Variants in NTNG2 observed in about 807,000 individuals in gnomAD.
The protein encoded by NTNG2 is netrin-G2.
NTNG2 carries 15 observed loss-of-function variants against 47.6 expected under a neutral mutation model. The observed-to-expected ratio is 0.32, with a 90% CI of 0.21 to 0.49. The LOEUF (loss-of-function observed/expected upper bound fraction) is 0.49, where lower values mean the gene tolerates loss of function less well. Among genes scored for constraint, NTNG2 ranks in the 20% least tolerant of loss-of-function variants. The pLI, the probability that NTNG2 is intolerant of heterozygous loss-of-function variation, is 0.99. For synonymous variants in NTNG2, 307 were observed against 324.6 expected (o/e 0.95, Z 0.58); for missense variants, 578 against 764.6 (o/e 0.76, Z 2.88).
In NTNG2 at chr9:132,221,298, G is replaced by T. The variant is rs1337391566; in HGVS notation, c.858-5551G>T. Among the ~76,000 whole-genome samples, 1 of 152,182 alleles carries T rather than the reference G, an allele frequency of 6.6e-6. No homozygotes were observed. Among genetic ancestry groups the T allele is most frequent in the African/African-American group, 2.4e-5 (1 of 41,448 alleles). On this transcript the variant is annotated intron_variant, in intron 3 of 7. Coordinates refer to ENST00000393229, the MANE Select transcript of NTNG2 (RefSeq NM_032536.4). The surrounding 1 kb of genome is among the most constrained non-coding windows in gnomAD (Gnocchi z 4.2). The stretch of plus-strand genomic sequence containing the variant: ...AGAGAAAAGCAAGATCAGAACATCT[G>T]CTGGACAGAGACATGGAGAGAGAGA...
At chr9:132,241,361 G>C (rs1589575283) in intron 7 of NTNG2, 1 of 449,710 alleles carries the variant, frequency 2.2e-6, no homozygotes, top group East Asian at 4.4e-5. Context: ...GAGCTGGCAG[G>C]TGGGCGGGGA....
At chr9:132,184,535 G>A (rs778206291) in intron 2 of NTNG2, among the ~76,000 whole-genome samples, 3 of 152,252 alleles carry the variant, frequency 2.0e-5, no homozygotes, top group Non-Finnish European at 4.4e-5. Context: ...CCTGCCAAAG[G>A]CTGGAGGGAG....
At position 132,208,520 on chromosome 9, in the gene NTNG2, G is replaced by T. The variant is rs1004543985; in HGVS notation, c.857+9911G>T. 6.6e-6 allele frequency among the ~76,000 whole-genome samples: 1 copy of T among 152,174 alleles called. No homozygotes were observed. The highest frequency in any genetic ancestry group is 1.5e-5 in the Non-Finnish European group (1 of 68,012). Reference sequence around the variant, plus strand: ...TACCAAGACTGACAGCAGCCTGGCCGGGTTCTGGCAGGGACAGGGGCTGTG... The same window carrying T: ...TACCAAGACTGACAGCAGCCTGGCCTGGTTCTGGCAGGGACAGGGGCTGTG... On this transcript the variant is annotated intron_variant, in intron 3 of 7. Transcript: ENST00000393229. The surrounding 1 kb of genome is among the most constrained non-coding windows in gnomAD (Gnocchi z 4.0).
chr9:132,238,768 G>A (rs978141847), intron 5 of NTNG2, among the ~76,000 whole-genome samples: 4 of 152,202 alleles, frequency 2.6e-5, no homozygotes, highest in East Asian at 3.9e-4. Flanking sequence ...TAATCACCCC[G>A]GCATGTGGGC....
chr9:132,206,151 G>A (rs1346656796), intron 3 of NTNG2, among the ~76,000 whole-genome samples: 1 of 152,172 alleles, frequency 6.6e-6, no homozygotes, highest in Non-Finnish European at 1.5e-5. Context: ...AGATCACAGA[G>A]GGCCTGGAGG....
At chr9:132,172,886 C>T (rs528159887) in intron 2 of NTNG2, among the ~76,000 whole-genome samples, 10 of 152,184 alleles carry the variant, frequency 6.6e-5, no homozygotes, top group Admixed American at 5.2e-4. Context: ...CCTGCCACCA[C>T]GCCAGGCTAA....
rs548835799 is a variant in NTNG2, at chr9:132,236,420, A to G, written c.1055-2684A>G. On this transcript the variant is annotated intron_variant, in intron 5 of 7. Coordinates refer to ENST00000393229, the MANE Select transcript of NTNG2 (RefSeq NM_032536.4). This position sits in a 1 kb window ranked among gnomAD's most constrained non-coding sequence, Gnocchi z 4.3. Reference sequence around the variant, plus strand: ...GGCCTGCCCGACTCTCCAGAAGGGAAATTGTCCCTGGCCCCAGCTCACCAA... The same window carrying G: ...GGCCTGCCCGACTCTCCAGAAGGGAGATTGTCCCTGGCCCCAGCTCACCAA... Among the ~76,000 whole-genome samples the G allele has an allele frequency of 1.3e-5, 2 of 152,288 alleles. No homozygotes were observed. The highest frequency in any genetic ancestry group is 2.9e-5 in the Non-Finnish European group (2 of 68,012).
rs183929663 is a variant in NTNG2, at chr9:132,221,655, G to A, written c.858-5194G>A. Among the ~76,000 whole-genome samples, 50 of 152,274 alleles carry A rather than the reference G, an allele frequency of 3.3e-4. No individual in the cohort carries two copies. In the East Asian group the frequency reaches 8.7e-3, roughly 26 times the overall value. On this transcript the variant is annotated intron_variant, in intron 3 of 7. Transcript: ENST00000393229. This position sits in a 1 kb window ranked among gnomAD's most constrained non-coding sequence, Gnocchi z 4.2. ...GGCCGGGACATCTTCTCCTGTTCCCGAGGAAGACAGGACTGATAGGAGGGG... is the reference window on the plus strand; with the variant it reads ...GGCCGGGACATCTTCTCCTGTTCCCAAGGAAGACAGGACTGATAGGAGGGG...
chr9:132,226,846 C>T lies in NTNG2; in HGVS notation c.858-3C>T, dbSNP rs113770003. On this transcript the variant is annotated splice_polypyrimidine_tract_variant and splice_region_variant and intron_variant, in intron 3 of 7. Transcript: ENST00000393229. The surrounding 1 kb of genome is among the most constrained non-coding windows in gnomAD (Gnocchi z 4.8). Reference sequence around the variant, plus strand: ...CATCTCTGCCCTCTCGGTGTCTCCCCAGGTGCAAGTGCAACCTGCACGCCA... The same window carrying T: ...CATCTCTGCCCTCTCGGTGTCTCCCTAGGTGCAAGTGCAACCTGCACGCCA... 950 of 1,595,654 alleles carry T rather than the reference C, an allele frequency of 6.0e-4. 6 individuals are homozygous for T. The African/African-American group carries it at 0.011, about 19-fold the overall frequency.
Position 132,226,896 on chromosome 9 carries a change from G to A in NTNG2, c.905G>A (p.Ser302Asn), listed in dbSNP as rs759552257. The change falls in exon 4 of 8, where the codon AGC becomes AAC. Residue 302 changes from serine (S) to asparagine (N), a missense_variant. Transcript: ENST00000393229. The surrounding 1 kb of genome is among the most constrained non-coding windows in gnomAD (Gnocchi z 4.8). Reference sequence around the variant, plus strand: ...AACCTGTGCTCCATGCGCGAGGGCAGCCTGCAGTGCGAGTGCGAGCACAAC... The same window carrying A: ...AACCTGTGCTCCATGCGCGAGGGCAACCTGCAGTGCGAGTGCGAGCACAAC... ...HANLCSMREG[S>N]LQCECEHNTT... 6.2e-7 allele frequency: 1 copy of A among 1,612,410 alleles called. No homozygotes were observed.
At position 132,236,167 on chromosome 9, in the gene NTNG2, G is replaced by A. The variant is rs1165601187; in HGVS notation, c.1055-2937G>A. 6.6e-6 allele frequency among the ~76,000 whole-genome samples: 1 copy of A among 152,222 alleles called. No individual in the cohort carries two copies. Among genetic ancestry groups the A allele is most frequent in the Non-Finnish European group, 1.5e-5 (1 of 68,036 alleles). ...GCAGGAGCGGGGGCCATGAGACCTC[G>A]GAGGGTGGACTGTGGTGGGTGAAGG... On this transcript the variant is annotated intron_variant, in intron 5 of 7. Coordinates refer to ENST00000393229, the MANE Select transcript of NTNG2 (RefSeq NM_032536.4). This position sits in a 1 kb window ranked among gnomAD's most constrained non-coding sequence, Gnocchi z 4.3.
rs1841998881 is a variant in NTNG2 at position 132,241,726 on chromosome 9, G to T, written c.1358-150G>T. On this transcript the variant is annotated intron_variant, in intron 7 of 7. Transcript: ENST00000393229. ...CCCGGGCGCCGTCACCCTCCGAGGG[G>T]GGACGTTTCGCACCCAGCGCGCCTG... 21 of 573,710 alleles carry T rather than the reference G, an allele frequency of 3.7e-5. No individual in the cohort carries two copies. In the South Asian group the frequency reaches 4.5e-4, roughly 12 times the overall value. 35.5% of individuals were successfully genotyped at this position (573,710 alleles called of 1,614,324 possible).
intron 3 of NTNG2, among the ~76,000 whole-genome samples, chr9:132,211,521 G>C (rs1034115702): frequency 6.6e-6 from 1 of 152,060 alleles, no homozygotes; most frequent in African/African-American, 2.4e-5. Flanking sequence ...TCCTTCTGTA[G>C]CCTGGGCTCT....
chr9:132,176,507 G>A (rs58498935), intron 2 of NTNG2, among the ~76,000 whole-genome samples: 170 of 152,276 alleles, frequency 1.1e-3, no homozygotes, highest in African/African-American at 3.8e-3. Context: ...CCACATTGTC[G>A]CATGACTCAG....
chr9:132,243,626 C>T lies in NTNG2; in HGVS notation c.*1515C>T, dbSNP rs1016936798. The T allele has an allele frequency of 1.3e-5, 2 of 152,442 alleles. No homozygotes were observed. The highest frequency in any genetic ancestry group is 4.8e-5 in the African/African-American group (2 of 41,468). 9.4% of individuals were successfully genotyped at this position (152,442 alleles called of 1,614,324 possible). On this transcript the variant is annotated 3_prime_UTR_variant, in exon 8 of 8. Transcript: ENST00000393229. Reference sequence around the variant, plus strand: ...GTTGCTAACTGCTGCCACTGCTCCACCTGCAGGTGCTCCCAGCACTGGCTT... The same window carrying T: ...GTTGCTAACTGCTGCCACTGCTCCATCTGCAGGTGCTCCCAGCACTGGCTT...
At chr9:132,170,306 T>C (rs1338011109) in intron 2 of NTNG2, among the ~76,000 whole-genome samples, 1 of 152,206 alleles carries the variant, frequency 6.6e-6, no homozygotes, top group Non-Finnish European at 1.5e-5. Flanking sequence ...TAAAAACCTA[T>C]TGGCTCTAAA....
chr9:132,201,303 T>C (rs1838727428), intron 3 of NTNG2, among the ~76,000 whole-genome samples: 1 of 152,228 alleles, frequency 6.6e-6, no homozygotes. Context: ...GTGGTTCCGC[T>C]TGGCACCCAG....
intron 2 of NTNG2, among the ~76,000 whole-genome samples, chr9:132,187,258 C>G (rs1837465652): frequency 6.6e-6 from 1 of 152,218 alleles, no homozygotes; most frequent in African/African-American, 2.4e-5. Context: ...CGCTTGCCTG[C>G]CCCTGCCTGA....
intron 2 of NTNG2, among the ~76,000 whole-genome samples, chr9:132,181,707 A>G (rs1039176003): frequency 1.3e-5 from 2 of 152,168 alleles, no homozygotes; most frequent in African/African-American, 4.8e-5. Flanking sequence ...CCCTTAACCT[A>G]AGCTATAGCT....
Sources: allele counts gnomAD v4.1 joint callset (sites outside exome capture counted in the v4.1 genomes callset), GRCh38; gene constraint gnomAD v4.1.1; non-coding constraint Gnocchi (gnomAD v3.1); transcripts MANE v1.5; gene names NCBI Gene and HGNC (gene_info 2026-07-23, HGNC 2026-07-21).